Variants in HSPA12A observed in about 807,000 individuals in gnomAD.
The protein encoded by HSPA12A is heat shock protein family A (Hsp70) member 12A, also known as heat shock 70 kDa protein 12A.
In HSPA12A, 28 loss-of-function variants were observed where a neutral mutation model predicts 69.2. That is an observed-to-expected ratio of 0.40 (90% CI 0.30 to 0.55). The LOEUF (loss-of-function observed/expected upper bound fraction) is 0.55. Among genes scored for constraint, HSPA12A ranks in the 20% least tolerant of loss-of-function variants. The pLI, the probability that HSPA12A is intolerant of heterozygous loss-of-function variation, is 0.38. For synonymous variants in HSPA12A, 345 were observed against 370.5 expected, an observed-to-expected ratio of 0.93 and a Z score of 0.79; for missense variants, 686 against 900.7, an observed-to-expected ratio of 0.76 and a Z score of 3.05.
At chr10:116,804,100 A>G (rs1298444623) in intron 2 of HSPA12A, among the ~76,000 whole-genome samples, 2 of 151,976 alleles carry the variant, frequency 1.3e-5, no homozygotes, top group Non-Finnish European at 2.9e-5. Context: ...GCACATACGC[A>G]TTTATAGCCT....
chr10:116,679,624 G>A lies in HSPA12A; in HGVS notation c.1165C>T (p.Arg389Cys), dbSNP rs781934341. The change falls in exon 10 of 12, where the codon CGC becomes TGC. Residue 389 changes from arginine to cysteine, a missense_variant. Coordinates refer to ENST00000369209, the MANE Select transcript of HSPA12A (RefSeq NM_025015.3). ...WVDLMIAFES[R>C]KRAAAPDRTN... The stretch of plus-strand genomic sequence containing the variant: ...CTGTCTGGGGCAGCCGCCCTTTTGC[G>A]AGACTCAAACGCAATCATTAAGTCA... 5.6e-6 allele frequency: 9 copies of A among 1,614,142 alleles called. No homozygotes were observed. Among genetic ancestry groups the A allele is most frequent in the South Asian group, 2.2e-5 (2 of 91,090 alleles).
chr10:116,762,346 G>T (rs1383955621), intron 2 of HSPA12A, among the ~76,000 whole-genome samples: 1 of 152,146 alleles, frequency 6.6e-6, no homozygotes, highest in African/African-American at 2.4e-5. Flanking sequence ...CTGCTGCAAA[G>T]GTGTGTATGT....
intron 2 of HSPA12A, among the ~76,000 whole-genome samples, chr10:116,792,768 G>A (rs982359350): frequency 2.0e-5 from 3 of 151,638 alleles, no homozygotes; most frequent in African/African-American, 7.3e-5. Flanking sequence ...TCCAGCCTGG[G>A]TGACAGAGTA....
intron 1 of HSPA12A, among the ~76,000 whole-genome samples, chr10:116,722,832 G>A (rs1448115633): frequency 6.6e-6 from 1 of 152,134 alleles, no homozygotes; most frequent in Non-Finnish European, 1.5e-5. Context: ...GACTCTTCAT[G>A]AGACACCATG....
intron 2 of HSPA12A, among the ~76,000 whole-genome samples, chr10:116,803,237 G>C (rs1844997002): frequency 1.3e-5 from 2 of 152,240 alleles, no homozygotes; most frequent in African/African-American, 4.8e-5. Context: ...TGTGCGGAGA[G>C]AATTCGGGAA....
intron 2 of HSPA12A, among the ~76,000 whole-genome samples, chr10:116,749,101 A>G (rs1462735411): frequency 3.3e-5 from 5 of 152,118 alleles, no homozygotes; most frequent in African/African-American, 1.2e-4. Flanking sequence ...GGTTCCATAT[A>G]TTATGCCACC....
intron 2 of HSPA12A, among the ~76,000 whole-genome samples, chr10:116,753,951 A>C (rs1843763631): frequency 6.6e-6 from 1 of 152,178 alleles, no homozygotes; most frequent in Non-Finnish European, 1.5e-5. Flanking sequence ...GCACTAAGCC[A>C]AGCACTCAGC....
At chr10:116,841,195 C>T (rs1845795923) in intron 1 of HSPA12A, among the ~76,000 whole-genome samples, 1 of 152,206 alleles carries the variant, frequency 6.6e-6, no homozygotes, top group African/African-American at 2.4e-5. Flanking sequence ...TTAGATACTC[C>T]CGCACTTTCC....
chr10:116,829,248 GC>G (rs1028439278), intron 2 of HSPA12A: 3 of 152,876 alleles, frequency 2.0e-5, no homozygotes, highest in African/African-American at 7.2e-5. Context: ...CTTTCCTGCC[GC>G]CACATAAAAA....
At chr10:116,823,072 C>T (rs1845434491) in intron 2 of HSPA12A, among the ~76,000 whole-genome samples, 1 of 152,190 alleles carries the variant, frequency 6.6e-6, no homozygotes, top group Non-Finnish European at 1.5e-5. Context: ...GGTTAGAGTA[C>T]AGAATCATAT....
At chr10:116,825,087 T>C (rs1215116881) in intron 2 of HSPA12A, among the ~76,000 whole-genome samples, 1 of 151,076 alleles carries the variant, frequency 6.6e-6, no homozygotes, top group Non-Finnish European at 1.5e-5. Flanking sequence ...ACTGGGGGGC[T>C]GTGGTGGGGG....
intron 10 of HSPA12A, among the ~76,000 whole-genome samples, chr10:116,678,024 A>G (rs1021215737): frequency 5.3e-5 from 8 of 151,572 alleles, no homozygotes; most frequent in African/African-American, 1.9e-4. Context: ...TTGAAACCCA[A>G]CCTATTTATC....
chr10:116,761,655 A>G (rs1843977168), intron 2 of HSPA12A, among the ~76,000 whole-genome samples: 1 of 152,098 alleles, frequency 6.6e-6, no homozygotes, highest in South Asian at 2.1e-4. Context: ...CCAGGAGCAG[A>G]GATCGTACCA....
In HSPA12A at chr10:116,742,511, CGCCCGT is replaced by C. The variant is rs782481417; in HGVS notation, c.-48_-43del. ...ACCGCGAGGGGAGCCTCCAGCGCAG[CGCCCGT>C]GCCCGTGCGGGTCTCTGTCCGCGTC... On this transcript the variant is annotated 5_prime_UTR_variant, in exon 1 of 12. Transcript: ENST00000369209. 25 of 1,236,024 alleles carry C rather than the reference CGCCCGT, an allele frequency of 2.0e-5. No individual in the cohort carries two copies. In the South Asian group the frequency reaches 4.2e-4, roughly 21 times the overall value. The allele number at this position is 1,236,024 out of a possible 1,614,324, so 76.6% of individuals were successfully genotyped here.
intron 2 of HSPA12A, chr10:116,829,270 TCTTC>T (rs1258633369): frequency 6.5e-6 from 1 of 152,920 alleles, no homozygotes; most frequent in African/African-American, 2.4e-5. Flanking sequence ...GTCCCTTTGC[TCTTC>T]CTTCATCTTC....
intron 2 of HSPA12A, among the ~76,000 whole-genome samples, chr10:116,826,324 C>A (rs1471063634): frequency 1.3e-5 from 2 of 152,188 alleles, no homozygotes; most frequent in African/African-American, 4.8e-5. Context: ...TTCAAGGGAG[C>A]CATTGGCTTT....
intron 5 of HSPA12A, among the ~76,000 whole-genome samples, chr10:116,692,954 C>T (rs1469374017): frequency 6.6e-5 from 10 of 152,104 alleles, no homozygotes; most frequent in African/African-American, 2.2e-4. Context: ...AGTCTCACTG[C>T]GCCCCTTTCC....
At chr10:116,752,299 CCT>C (rs2133088170) in intron 2 of HSPA12A, among the ~76,000 whole-genome samples, 1 of 152,326 alleles carries the variant, frequency 6.6e-6, no homozygotes, top group Admixed American at 6.5e-5. Flanking sequence ...GGGGCTATGC[CCT>C]CTTTCTTTGA....
rs929643378 is a variant in HSPA12A at position 116,686,602 on chromosome 10, G to A, written c.664-2640C>T. ...CCATGTCCCACTGGGATGTCAGCCT[G>A]CCAGGTGGGACTTGTGGCAGTGAGG... On this transcript the variant is annotated intron_variant, in intron 6 of 11. Transcript: ENST00000369209. This position sits in a 1 kb window ranked among gnomAD's most constrained non-coding sequence, Gnocchi z 4.1. 6.6e-6 allele frequency among the ~76,000 whole-genome samples: 1 copy of A among 152,202 alleles called. No individual in the cohort carries two copies. Among genetic ancestry groups the A allele is most frequent in the African/African-American group, 2.4e-5 (1 of 41,452 alleles).
Sources: gnomAD v4.1 joint callset for allele counts (sites outside exome capture counted in the v4.1 genomes callset) on GRCh38, gnomAD v4.1.1 for gene constraint, Gnocchi (gnomAD v3.1) non-coding constraint, MANE v1.5 for transcripts, NCBI Gene and HGNC (gene_info 2026-07-23, HGNC 2026-07-21) for gene names.